Variants in CACHD1 observed in about 807,000 individuals in gnomAD.
The protein encoded by CACHD1 is VWFA and cache domain-containing protein 1.
CACHD1 carries 71 observed loss-of-function variants against 138.7 expected under a neutral mutation model. That is an observed-to-expected ratio of 0.51 (90% CI 0.42 to 0.62). The LOEUF (loss-of-function observed/expected upper bound fraction) is 0.62, where lower values mean the gene tolerates loss of function less well. Ranked by LOEUF, CACHD1 falls within the 20% of genes least tolerant of loss-of-function variation. The probability of loss-of-function intolerance (pLI) is 0.00; values close to 1 mark genes in which losing one functional copy is unlikely to be tolerated. For missense variants in CACHD1, 1,389 were observed against 1,625.3 expected (o/e 0.85, Z 2.50); for synonymous variants, 578 against 591.5 (o/e 0.98, Z 0.33).
chr1:64,584,110 A>T (rs935410169), intron 3 of CACHD1, among the ~76,000 whole-genome samples: 2 of 152,196 alleles, frequency 1.3e-5, no homozygotes, highest in Admixed American at 6.5e-5. Flanking sequence ...GGAAGAACAG[A>T]TAGTAAGGTA....
chr1:64,602,826 C>T lies in CACHD1; in HGVS notation c.431C>T (p.Thr144Ile), dbSNP rs780694131. ...SMMEFDGNFN[T>I]NVSRTISCDR... ...TTCAGATTCGATGGGAACTTTAATACCAATGTGTCTAGAACAATTAGTTGT... is the reference window on the plus strand; with the variant it reads ...TTCAGATTCGATGGGAACTTTAATATCAATGTGTCTAGAACAATTAGTTGT... Residue 144 changes from threonine to isoleucine, a missense_variant, in exon 4 of 27, where the codon ACC becomes ATC. By Grantham distance (89) the Thr-to-Ile change is moderately conservative (BLOSUM62 -1). Transcript: ENST00000651257. The T allele has an allele frequency of 6.2e-7, 1 of 1,612,238 alleles. No individual in the cohort carries two copies. Among genetic ancestry groups the T allele is most frequent in the African/African-American group, 1.3e-5 (1 of 74,800 alleles).
intron 6 of CACHD1, among the ~76,000 whole-genome samples, chr1:64,633,842 C>G (rs1358620279): frequency 1.3e-5 from 2 of 152,140 alleles, no homozygotes; most frequent in Non-Finnish European, 2.9e-5. Context: ...AAACCAAACT[C>G]TAGGGGTTTC....
chr1:64,561,320 T>C (rs1002192107), intron 2 of CACHD1, among the ~76,000 whole-genome samples: 2 of 152,182 alleles, frequency 1.3e-5, no homozygotes, highest in African/African-American at 4.8e-5. Flanking sequence ...ATCTATTACA[T>C]CTGCGTATAT....
intron 2 of CACHD1, among the ~76,000 whole-genome samples, chr1:64,580,292 T>G (rs982534575): frequency 6.6e-6 from 1 of 152,176 alleles, no homozygotes; most frequent in East Asian, 1.9e-4. Context: ...AAGAACAGTT[T>G]GGAACCTATT....
intron 10 of CACHD1, among the ~76,000 whole-genome samples, chr1:64,653,013 A>G (rs1649144366): frequency 6.6e-6 from 1 of 152,212 alleles, no homozygotes; most frequent in South Asian, 2.1e-4. Flanking sequence ...TCAGTGGTAG[A>G]CTGGATAAAG....
chr1:64,648,254 C>T (rs1278179009), intron 9 of CACHD1, among the ~76,000 whole-genome samples: 1 of 152,058 alleles, frequency 6.6e-6, no homozygotes, highest in Non-Finnish European at 1.5e-5. Flanking sequence ...TGAGGATTCT[C>T]GAATATCCAA....
chr1:64,605,755 A>G (rs900362401), intron 4 of CACHD1, among the ~76,000 whole-genome samples: 7 of 152,198 alleles, frequency 4.6e-5, no homozygotes, highest in African/African-American at 1.7e-4. Flanking sequence ...CCAGGGCCTC[A>G]TCCTCATTGC....
At chr1:64,645,514 A>G (rs1025282699) in intron 8 of CACHD1, among the ~76,000 whole-genome samples, 2 of 152,152 alleles carry the variant, frequency 1.3e-5, no homozygotes, top group Non-Finnish European at 2.9e-5. Context: ...TCAGAATTAG[A>G]ATGCACACAA....
chr1:64,644,091 G>A (rs1648825694), intron 8 of CACHD1, among the ~76,000 whole-genome samples: 1 of 152,242 alleles, frequency 6.6e-6, no homozygotes. Flanking sequence ...CATGAACTAT[G>A]TCTTAGTTTT....
chr1:64,648,940 ACTTTTC>A (rs1323221985), intron 9 of CACHD1, among the ~76,000 whole-genome samples: 1 of 152,126 alleles, frequency 6.6e-6, no homozygotes, highest in Non-Finnish European at 1.5e-5. Context: ...CCATGTTCTT[ACTTTTC>A]CTTTTCTCTA....
chr1:64,677,839 G>T (rs539454322), intron 22 of CACHD1, among the ~76,000 whole-genome samples: 1 of 152,040 alleles, frequency 6.6e-6, no homozygotes, highest in Non-Finnish European at 1.5e-5. Flanking sequence ...TGTTAAGCCA[G>T]AGTCTAACAA....
chr1:64,614,231 G>A (rs922080553), intron 4 of CACHD1, among the ~76,000 whole-genome samples: 2 of 152,108 alleles, frequency 1.3e-5, no homozygotes, highest in African/African-American at 4.8e-5. Flanking sequence ...CACCAGCTGG[G>A]CATCTGCCTA....
rs530655920 is a variant in CACHD1 at position 64,634,709 on chromosome 1, T to C, written c.1006+449T>C. ...GTAGAGGGATTAAAAAAAAATTGAT[T>C]GGGGGCGAGGTGCGGTGGCTCACGC... On this transcript the variant is annotated intron_variant, in intron 7 of 26. Coordinates refer to ENST00000651257, the MANE Select transcript of CACHD1 (RefSeq NM_020925.4). Among the ~76,000 whole-genome samples, 766 of 151,716 alleles carry C rather than the reference T, an allele frequency of 5.0e-3. 3 individuals are homozygous for C. Among genetic ancestry groups the C allele is most frequent in the Non-Finnish European group, 7.0e-3 (476 of 67,880 alleles).
At chr1:64,583,612 T>A (rs1647029003) in intron 3 of CACHD1, among the ~76,000 whole-genome samples, 1 of 152,214 alleles carries the variant, frequency 6.6e-6, no homozygotes, top group South Asian at 2.1e-4. Flanking sequence ...TTGTTAGGTA[T>A]TAGTTCCTTC....
At chr1:64,595,423 G>A (rs772545338) in intron 3 of CACHD1, among the ~76,000 whole-genome samples, 1 of 152,148 alleles carries the variant, frequency 6.6e-6, no homozygotes, top group African/African-American at 2.4e-5. Flanking sequence ...CAAGGGAGAA[G>A]GGTATATAAA....
At chr1:64,642,174 C>G (rs528478547) in intron 8 of CACHD1, among the ~76,000 whole-genome samples, 2 of 152,302 alleles carry the variant, frequency 1.3e-5, no homozygotes, top group South Asian at 4.2e-4. Flanking sequence ...CAGTGAACTG[C>G]TTGTTTCTAA....
At chr1:64,486,393 T>C (rs377542344) in intron 1 of CACHD1, among the ~76,000 whole-genome samples, 30 of 103,438 alleles carry the variant, frequency 2.9e-4, no homozygotes, top group East Asian at 1.3e-3. Flanking sequence ...CACACACACA[T>C]ACACATACAC....
chr1:64,612,739 C>G (rs1647578523), intron 4 of CACHD1, among the ~76,000 whole-genome samples: 1 of 152,172 alleles, frequency 6.6e-6, no homozygotes, highest in Admixed American at 6.5e-5. Flanking sequence ...GACAGTGCAC[C>G]TGGTCACCCA....
intron 1 of CACHD1, among the ~76,000 whole-genome samples, chr1:64,524,991 G>A (rs1570331079): frequency 6.6e-6 from 1 of 152,262 alleles, no homozygotes; most frequent in Admixed American, 6.5e-5. Flanking sequence ...AGAGAGCCGA[G>A]CTTTGAACTT....
Sources: allele counts gnomAD v4.1 joint callset (sites outside exome capture counted in the v4.1 genomes callset), GRCh38; gene constraint gnomAD v4.1.1; transcripts MANE v1.5; gene names NCBI Gene and HGNC (gene_info 2026-07-23, HGNC 2026-07-21).